Variants in SCN3A observed in about 807,000 individuals in gnomAD.
The protein encoded by SCN3A is sodium voltage-gated channel alpha subunit 3, also known as sodium channel protein type 3 subunit alpha.
A neutral mutation model predicts 187.6 loss-of-function variants in SCN3A; 60 were observed. The ratio of observed to expected loss-of-function variants is 0.32; its 90% CI spans 0.26 to 0.40. SCN3A has a LOEUF of 0.40. Among genes scored for constraint, SCN3A ranks in the 10% least tolerant of loss-of-function variants. The pLI is 1.00. For missense variants in SCN3A, 1,601 were observed against 2,428.2 expected (o/e 0.66, Z 7.16); for synonymous variants, 788 against 829.2 (o/e 0.95, Z 0.85).
Position 165,176,420 on chromosome 2 carries a change from G to A in SCN3A, c.-26C>T, listed in dbSNP as rs754912673. 21 of 1,613,556 alleles carry A rather than the reference G, an allele frequency of 1.3e-5. No homozygotes were observed. Among genetic ancestry groups the A allele is most frequent in the African/African-American group, 1.2e-4 (9 of 74,868 alleles). ...CTTTTCATCCTGCACATTTAATTAC[G>A]TGTAGCTTCTTGCATACGAATTACC... is the stretch of plus-strand genomic sequence containing the variant. On this transcript the variant is annotated 5_prime_UTR_variant, in exon 3 of 28. It adds an upstream start codon to the 5' untranslated region. Coordinates refer to ENST00000283254, the MANE Select transcript of SCN3A (RefSeq NM_006922.4).
intron 21 of SCN3A, among the ~76,000 whole-genome samples, chr2:165,100,637 T>C (rs886282748): frequency 6.6e-6 from 1 of 152,188 alleles, no homozygotes; most frequent in Non-Finnish European, 1.5e-5. Flanking sequence ...CTTGCCCATA[T>C]TTATCAACAC....
intron 10 of SCN3A, among the ~76,000 whole-genome samples, chr2:165,155,392 C>T (rs1485700529): frequency 1.3e-5 from 2 of 151,852 alleles, no homozygotes; most frequent in African/African-American, 4.8e-5. Context: ...TTTTCCCATT[C>T]CCTTTCCCTT....
chr2:165,126,616 A>G (rs1458887620), intron 18 of SCN3A, among the ~76,000 whole-genome samples: 3 of 75,716 alleles, frequency 4.0e-5, no homozygotes, highest in Non-Finnish European at 7.4e-5. Flanking sequence ...TCCTTCCTTC[A>G]TTCCTTCCGT....
At chr2:165,189,427 C>A (rs116270397) in intron 1 of SCN3A, among the ~76,000 whole-genome samples, 1 of 152,086 alleles carries the variant, frequency 6.6e-6, no homozygotes, top group Non-Finnish European at 1.5e-5. Flanking sequence ...CCCCCAAAAA[C>A]GGTTAGCCTG....
intron 17 of SCN3A, among the ~76,000 whole-genome samples, chr2:165,128,796 G>GT (rs1201726094): frequency 2.8e-5 from 3 of 108,912 alleles, no homozygotes; most frequent in African/African-American, 1.3e-4. Flanking sequence ...TTCTTTCTTT[G>GT]TGTGTATGTG....
At chr2:165,121,504 G>A (rs1686674374) in intron 18 of SCN3A, among the ~76,000 whole-genome samples, 3 of 152,054 alleles carry the variant, frequency 2.0e-5, no homozygotes, top group East Asian at 1.9e-4. Flanking sequence ...TAAAAATTTG[G>A]TGCTGAATAA....
At position 165,140,985 on chromosome 2, in the gene SCN3A, A is replaced by T. The variant is rs1398438143; in HGVS notation, c.1685T>A (p.Ile562Asn). 1 of 1,613,914 alleles carries T rather than the reference A, an allele frequency of 6.2e-7. No individual in the cohort carries two copies. The highest frequency in any genetic ancestry group is 1.7e-5 in the Admixed American group (1 of 59,982). The stretch of plus-strand genomic sequence containing the variant: ...TCTTGGGGAAAACAGGGAGCCACGG[A>T]TACTCAAGAGAGACTGCAGAGAAAG... ...FCSPHQSLLS[I>N]RGSLFSPRRN... The change falls in exon 13 of 28, where the codon ATC (isoleucine) becomes AAC (asparagine). Residue 562 changes from isoleucine (I) to asparagine (N), a missense_variant. Ile to Asn is a moderately radical substitution (Grantham distance 149). Coordinates refer to ENST00000283254, the MANE Select transcript of SCN3A (RefSeq NM_006922.4). The surrounding 1 kb of genome is among the most constrained non-coding windows in gnomAD (Gnocchi z 4.2).
chr2:165,185,757 C>T (rs1052061996), intron 2 of SCN3A, among the ~76,000 whole-genome samples: 4 of 152,032 alleles, frequency 2.6e-5, no homozygotes, highest in Admixed American at 6.6e-5. Flanking sequence ...GATGATACAC[C>T]AAATAAATAA....
At chr2:165,176,877 C>G (rs902369375) in intron 2 of SCN3A, among the ~76,000 whole-genome samples, 2 of 152,190 alleles carry the variant, frequency 1.3e-5, no homozygotes, top group African/African-American at 2.4e-5. Flanking sequence ...GCATCCTGCC[C>G]CCCGCCTTTT....
chr2:165,137,811 C>T, intron 15 of SCN3A, 68 bp downstream of exon 15: 1 of 1,219,532 alleles, frequency 8.2e-7, no homozygotes, highest in Admixed American at 1.7e-5. Context: ...AGCACAAATA[C>T]ATCTTTCCCT....
intron 1 of SCN3A, among the ~76,000 whole-genome samples, chr2:165,199,818 A>C (rs538876361): frequency 6.6e-6 from 1 of 152,182 alleles, no homozygotes; most frequent in South Asian, 2.1e-4. Flanking sequence ...AAGAGGAAAC[A>C]CTATTCTGCT....
intron 1 of SCN3A, among the ~76,000 whole-genome samples, chr2:165,200,595 C>G (rs1692251023): frequency 6.6e-6 from 1 of 151,974 alleles, no homozygotes; most frequent in Non-Finnish European, 1.5e-5. Flanking sequence ...AAACACTACC[C>G]TCATATTTTT....
chr2:165,133,927 T>G (rs1687508440), intron 15 of SCN3A, among the ~76,000 whole-genome samples: 1 of 152,136 alleles, frequency 6.6e-6, no homozygotes, highest in Non-Finnish European at 1.5e-5. Flanking sequence ...AAAAACCATA[T>G]TTTGTTTTTG....
At chr2:165,120,632 G>C (rs1160417136) in intron 18 of SCN3A, among the ~76,000 whole-genome samples, 42 of 151,916 alleles carry the variant, frequency 2.8e-4, no homozygotes, top group Admixed American at 2.8e-3. Flanking sequence ...TGTCTTGCTA[G>C]TAGAAGAGGA....
At chr2:165,169,208 G>A (rs999583691) in intron 4 of SCN3A, among the ~76,000 whole-genome samples, 7 of 151,806 alleles carry the variant, frequency 4.6e-5, no homozygotes, top group Admixed American at 3.3e-4. Context: ...CTTATAAAAC[G>A]TTAACGAATG....
intron 12 of SCN3A, among the ~76,000 whole-genome samples, chr2:165,144,664 CAATTATG>C (rs1311792623): frequency 6.6e-6 from 1 of 152,116 alleles, no homozygotes; most frequent in Non-Finnish European, 1.5e-5. Flanking sequence ...ATTTTACCTC[CAATTATG>C]GCTCCTGTTC....
intron 4 of SCN3A, among the ~76,000 whole-genome samples, chr2:165,170,106 A>T (rs1690014867): frequency 6.6e-6 from 1 of 151,934 alleles, no homozygotes; most frequent in Non-Finnish European, 1.5e-5. Context: ...AGTAATACTA[A>T]CCATAATCTA....
intron 12 of SCN3A, among the ~76,000 whole-genome samples, chr2:165,141,297 A>G (rs1173517140): frequency 1.3e-5 from 2 of 152,188 alleles, no homozygotes; most frequent in Non-Finnish European, 2.9e-5. Context: ...TAGGTTAGGG[A>G]CCAGATGCTG....
Position 165,094,491 on chromosome 2 carries a change from T to C in SCN3A, c.4432-13A>G, listed in dbSNP as rs181045460. 2.5e-4 allele frequency: 379 copies of C among 1,531,972 alleles called. 1 individual carries two copies. The highest frequency in any genetic ancestry group is 3.6e-6 in the Non-Finnish European group (4 of 1,105,590). The allele number at this position is 1,531,972 out of a possible 1,614,324, so 94.9% of individuals were successfully genotyped here. On this transcript the variant is annotated splice_polypyrimidine_tract_variant and intron_variant, in intron 25 of 27. Transcript: ENST00000283254. ...CTTGACCTCCAAAGTAAAGACATAG[T>C]ATAAAACTGGTTACAATTCTGTGTT...
Sources: gnomAD v4.1 joint callset for allele counts (sites outside exome capture counted in the v4.1 genomes callset) on GRCh38, gnomAD v4.1.1 for gene constraint, Gnocchi (gnomAD v3.1) non-coding constraint, MANE v1.5 for transcripts, NCBI Gene and HGNC (gene_info 2026-07-23, HGNC 2026-07-21) for gene names.